The following ARHGAP23 variants were observed in gnomAD, a reference collection of about 807,000 sequenced individuals.
ARHGAP23 encodes Rho GTPase activating protein 23.
ARHGAP23 carries 34 observed loss-of-function variants against 136.3 expected under a neutral mutation model. The ratio of observed to expected loss-of-function variants is 0.25; its 90% CI spans 0.19 to 0.33. ARHGAP23 has a LOEUF of 0.33. Among genes scored for constraint, ARHGAP23 ranks in the 10% least tolerant of loss-of-function variants. The probability of loss-of-function intolerance (pLI) is 1.00; values close to 1 mark genes in which losing one functional copy is unlikely to be tolerated. For missense variants in ARHGAP23, 1,808 were observed against 2,139.0 expected, an observed-to-expected ratio of 0.85 and a Z score of 3.05; for synonymous variants, 832 against 920.5, an observed-to-expected ratio of 0.90 and a Z score of 1.74.
At chr17:38,463,013 T>C in intron 4 of ARHGAP23, 72 bp downstream of exon 4, 4 of 1,534,094 alleles carry the variant, frequency 2.6e-6, no homozygotes, top group Non-Finnish European at 3.5e-6. Flanking sequence ...ATCCAGGTGT[T>C]GGGGAGGCTC....
chr17:38,440,169 C>T (rs1178614082), intron 1 of ARHGAP23, among the ~76,000 whole-genome samples: 1 of 152,162 alleles, frequency 6.6e-6, no homozygotes, highest in Non-Finnish European at 1.5e-5. Flanking sequence ...TAGGCACGCA[C>T]CACTGCATCT....
chr17:38,495,041 A>G (rs1271198737), intron 20 of ARHGAP23, among the ~76,000 whole-genome samples: 3 of 152,148 alleles, frequency 2.0e-5, no homozygotes, highest in Non-Finnish European at 4.4e-5. Flanking sequence ...TCTATTATAC[A>G]TTAACAATGT....
intron 1 of ARHGAP23, among the ~76,000 whole-genome samples, chr17:38,449,411 G>T (rs1165022512): frequency 6.6e-6 from 1 of 152,246 alleles, no homozygotes; most frequent in Non-Finnish European, 1.5e-5. Flanking sequence ...TACATGGAGG[G>T]CGCTGCGGAG....
chr17:38,466,514 GC>G lies in ARHGAP23; in HGVS notation c.837del (p.Ser280AlafsTer59). 2 of 1,481,972 alleles carry G rather than the reference GC, an allele frequency of 1.3e-6. No individual in the cohort carries two copies. The highest frequency in any genetic ancestry group is 1.8e-6 in the Non-Finnish European group (2 of 1,118,852). The allele number at this position is 1,481,972 out of a possible 1,614,324, so 91.8% of individuals were successfully genotyped here. A position where few individuals can be genotyped will look rare whatever the true frequency, so the allele number is the denominator to read the frequency against. On this transcript the variant is annotated frameshift_variant, in exon 7 of 24. Transcript: ENST00000622683. LOFTEE classifies it high-confidence loss of function. ...RAFPEPGSRV[P>X]PSRLECQQAL... is the part of the protein sequence containing the mutation. ...CCTTCCCAGAGCCTGGCAGCCGGGTGCCCCCCAGCAGACTGGAGTGCCAGCA... is the reference window on the plus strand; with the variant it reads ...CCTTCCCAGAGCCTGGCAGCCGGGTGCCCCCAGCAGACTGGAGTGCCAGCA...
At chr17:38,472,328 A>G (rs2039779592) in intron 11 of ARHGAP23, among the ~76,000 whole-genome samples, 1 of 152,118 alleles carries the variant, frequency 6.6e-6, no homozygotes, top group East Asian at 1.9e-4. Flanking sequence ...GAAAACAAGG[A>G]GCAAGGCCGG....
intron 1 of ARHGAP23, among the ~76,000 whole-genome samples, chr17:38,434,210 C>T (rs2038743549): frequency 6.6e-6 from 1 of 152,126 alleles, no homozygotes; most frequent in Non-Finnish European, 1.5e-5. Context: ...GTCCCGCCAA[C>T]CCCCCAGCTT....
At position 38,441,189 on chromosome 17, in the gene ARHGAP23, C is replaced by G. The variant is rs573677336; in HGVS notation, c.63+12641C>G. On this transcript the variant is annotated intron_variant, in intron 1 of 23. Transcript: ENST00000622683. The stretch of plus-strand genomic sequence containing the variant: ...GCATCTCACTTGCATGACAACACCC[C>G]TTGCTCTGTCCCCAAGTGTGCTTCC... 2.6e-5 allele frequency among the ~76,000 whole-genome samples: 4 copies of G among 152,358 alleles called. No homozygotes were observed. The South Asian group carries it at 8.3e-4, about 32-fold the overall frequency.
intron 1 of ARHGAP23, among the ~76,000 whole-genome samples, chr17:38,429,845 G>GTGGCTTT (rs1396414056): frequency 6.6e-6 from 1 of 152,130 alleles, no homozygotes; most frequent in Non-Finnish European, 1.5e-5. Flanking sequence ...CTGGGGGTGA[G>GTGGCTTT]TGGCTTTTGA....
intron 1 of ARHGAP23, among the ~76,000 whole-genome samples, chr17:38,442,149 G>C (rs1021822065): frequency 2.6e-5 from 4 of 152,120 alleles, no homozygotes; most frequent in Admixed American, 2.6e-4. Flanking sequence ...TGTGGAGATG[G>C]GGTCTTACTA....
upstream of ARHGAP23, chr17:38,428,383 G>GCC (rs555328370): frequency 4.7e-4 from 177 of 377,994 alleles, no homozygotes; most frequent in Admixed American, 2.7e-3. Flanking sequence ...CCCGGGGGGG[G>GCC]CCCCCCCACA....
chr17:38,421,673 TG>T (rs1411640969), intron 1 of ARHGAP23, among the ~76,000 whole-genome samples: 1 of 152,100 alleles, frequency 6.6e-6, no homozygotes, highest in East Asian at 1.9e-4. Context: ...AACTGCTGGG[TG>T]GGGTGAGTGC....
rs2040732241 is a variant in ARHGAP23, at chr17:38,510,421, T to G, written c.3925T>G (p.Ser1309Ala). 5.7e-6 allele frequency: 7 copies of G among 1,235,906 alleles called. No homozygotes were observed. Among genetic ancestry groups the G allele is most frequent in the Non-Finnish European group, 7.1e-6 (7 of 991,522 alleles). The allele number at this position is 1,235,906 out of a possible 1,614,324, so 76.6% of individuals were successfully genotyped here. A position where few individuals can be genotyped will look rare whatever the true frequency, so the allele number is the denominator to read the frequency against. ...GRLTRRPSFS[S>A]HHLMPCDTLA... The stretch of plus-strand genomic sequence containing the variant: ...CCTGACACGCCGGCCGTCCTTCAGC[T>G]CGCACCACCTCATGCCCTGCGACAC... Residue 1309 changes from serine (S) to alanine (A), a missense_variant, in exon 24 of 24, where the codon TCG (serine) becomes GCG (alanine). By Grantham distance (99) the Ser-to-Ala change is moderately conservative. Transcript: ENST00000622683. The surrounding 1 kb of genome is among the most constrained non-coding windows in gnomAD (Gnocchi z 4.6).
intron 23 of ARHGAP23, among the ~76,000 whole-genome samples, chr17:38,501,899 G>A (rs1444957943): frequency 1.3e-5 from 2 of 150,106 alleles, no homozygotes; most frequent in Non-Finnish European, 3.0e-5. Flanking sequence ...ATAGAAAATA[G>A]TATAATTTTA....
At chr17:38,467,642 TC>T (rs1014366772) in intron 7 of ARHGAP23, among the ~76,000 whole-genome samples, 1 of 152,058 alleles carries the variant, frequency 6.6e-6, no homozygotes, top group African/African-American at 2.4e-5. Context: ...CTTCCTTCCT[TC>T]TTTCCTTCCT....
In ARHGAP23 at chr17:38,510,540, G is replaced by C; in HGVS notation, c.4044G>C (p.Ser1348=). 1 of 1,187,008 alleles carries C rather than the reference G, an allele frequency of 8.4e-7. No homozygotes were observed. Among genetic ancestry groups the C allele is most frequent in the Non-Finnish European group, 1.0e-6 (1 of 961,960 alleles). The allele number at this position is 1,187,008 out of a possible 1,614,324, so 73.5% of individuals were successfully genotyped here. The change falls in exon 24 of 24, where the codon TCG becomes TCC. Residue 1348 remains serine, a synonymous_variant. Transcript: ENST00000622683. This position sits in a 1 kb window ranked among gnomAD's most constrained non-coding sequence, Gnocchi z 4.6. ...CCCCGGAGCCGCCCGGCTCGGCGTC[G>C]TCCAGCAGCCAGGAGTCGCTGCGGC... ...PRAPEPPGSA[S]SSSQESLRPP... is the part of the protein sequence containing the mutation.
intron 16 of ARHGAP23, 102 bp downstream of exon 16, chr17:38,482,780 C>G: frequency 2.3e-6 from 3 of 1,292,698 alleles, no homozygotes; most frequent in Admixed American, 2.3e-5. Flanking sequence ...TGCATTGTGC[C>G]CTATGACATG....
intron 1 of ARHGAP23, chr17:38,457,638 A>G (rs938879339): frequency 5.2e-6 from 1 of 191,020 alleles, no homozygotes; most frequent in Non-Finnish European, 1.1e-5. Context: ...ACATGAGTGT[A>G]TGTGGCTGGG....
Position 38,479,749 on chromosome 17 carries a change from A to C in ARHGAP23, c.2499-4A>C, listed in dbSNP as rs565049119. The C allele has an allele frequency of 6.8e-7, 1 of 1,467,582 alleles. No homozygotes were observed. The highest frequency in any genetic ancestry group is 1.4e-5 in the African/African-American group (1 of 69,718). 90.9% of individuals were successfully genotyped at this position (1,467,582 alleles called of 1,614,324 possible). A position where few individuals can be genotyped will look rare whatever the true frequency, so the allele number is the denominator to read the frequency against. On this transcript the variant is annotated splice_polypyrimidine_tract_variant and splice_region_variant and intron_variant, in intron 13 of 23. Transcript: ENST00000622683. ...CCTCTCCTCTCCCCCTTTTTCCTACACAGCCATAGCTCTGGGCCCAAAGCT... is the reference window on the plus strand; with the variant it reads ...CCTCTCCTCTCCCCCTTTTTCCTACCCAGCCATAGCTCTGGGCCCAAAGCT...
At chr17:38,480,619 G>A (rs193165931) in intron 14 of ARHGAP23, among the ~76,000 whole-genome samples, 119 of 151,612 alleles carry the variant, frequency 7.8e-4, no homozygotes, top group African/African-American at 2.6e-3. Context: ...GGGTGACAGA[G>A]CGAGACTCCA....
Sources: allele counts gnomAD v4.1 joint callset (sites outside exome capture counted in the v4.1 genomes callset), GRCh38; gene constraint gnomAD v4.1.1; non-coding constraint Gnocchi (gnomAD v3.1); transcripts MANE v1.5; gene names NCBI Gene and HGNC (gene_info 2026-07-23, HGNC 2026-07-21).